CADPS2: variants seen among roughly 807,000 people sequenced by gnomAD.
The protein encoded by CADPS2 is calcium dependent secretion activator 2, also known as calcium-dependent secretion activator 2.
A neutral mutation model predicts 172.5 loss-of-function variants in CADPS2; 93 were observed. The ratio of observed to expected loss-of-function variants is 0.54; its 90% CI spans 0.46 to 0.64. CADPS2 has a LOEUF of 0.64. Among genes scored for constraint, CADPS2 ranks in the 30% least tolerant of loss-of-function variants. The pLI is 0.00. For missense variants in CADPS2, 1,420 were observed against 1,565.9 expected (o/e 0.91, Z 1.57); for synonymous variants, 546 against 555.2 (o/e 0.98, Z 0.23).
chr7:122,567,303 A>G (rs1272112013), intron 7 of CADPS2, among the ~76,000 whole-genome samples: 2 of 152,134 alleles, frequency 1.3e-5, no homozygotes, highest in Non-Finnish European at 2.9e-5. Flanking sequence ...GCACCTTGAA[A>G]GATAACCTCT....
At chr7:122,350,838 T>A (rs1042980121) in intron 27 of CADPS2, among the ~76,000 whole-genome samples, 24 of 151,384 alleles carry the variant, frequency 1.6e-4, no homozygotes, top group Admixed American at 1.6e-3. Context: ...AGTAAAAAAT[T>A]AGCCAGGCAT....
intron 1 of CADPS2, among the ~76,000 whole-genome samples, chr7:122,748,384 G>A (rs182517555): frequency 1.2e-3 from 183 of 152,172 alleles, no homozygotes; most frequent in African/African-American, 4.0e-3. Flanking sequence ...GTACCATCTG[G>A]CATTTCATGG....
chr7:122,334,354 G>T (rs1221247490), intron 28 of CADPS2, among the ~76,000 whole-genome samples: 1 of 152,204 alleles, frequency 6.6e-6, no homozygotes, highest in East Asian at 1.9e-4. Context: ...GCCATGGGGT[G>T]TATTAGGAGG....
intron 8 of CADPS2, among the ~76,000 whole-genome samples, chr7:122,527,459 AATCTCTGAGGAGACCAAGTAAT>A (rs559244600): frequency 1.3e-5 from 2 of 151,856 alleles, no homozygotes; most frequent in South Asian, 4.2e-4. Flanking sequence ...TGACAGTTGG[AATCTCTGAGGAGACCAAGTAAT>A]TCAGTATCTC....
chr7:122,416,692 A>G (rs2047959857), intron 17 of CADPS2, among the ~76,000 whole-genome samples: 1 of 152,092 alleles, frequency 6.6e-6, no homozygotes, highest in South Asian at 2.1e-4. Flanking sequence ...TTTCCTCCCT[A>G]TTTCCCAGCC....
At chr7:122,333,432 C>A (rs1000422414) in intron 28 of CADPS2, among the ~76,000 whole-genome samples, 1 of 152,172 alleles carries the variant, frequency 6.6e-6, no homozygotes, top group Non-Finnish European at 1.5e-5. Context: ...ACCTTTCTGT[C>A]TCTGAGTCAC....
chr7:122,386,894 A>G (rs2043756926), intron 24 of CADPS2, 132 bp downstream of exon 24: 1 of 846,118 alleles, frequency 1.2e-6, no homozygotes. Context: ...CTGTTATTAT[A>G]GTAAAGATCA....
chr7:122,763,367 C>T (rs11769021), intron 1 of CADPS2, among the ~76,000 whole-genome samples: 25,429 of 152,040 alleles, frequency 0.17, 2,741 homozygotes, highest in East Asian at 0.4. Flanking sequence ...TCCTACTCCA[C>T]GACAATAAGA....
intron 1 of CADPS2, among the ~76,000 whole-genome samples, chr7:122,835,382 C>G (rs2140750467): frequency 1.3e-5 from 2 of 152,318 alleles, no homozygotes; most frequent in Middle Eastern, 3.4e-3. Flanking sequence ...AGCACCTCTC[C>G]CCCTCCAAAG....
chr7:122,568,991 C>G (rs914551718), intron 7 of CADPS2, among the ~76,000 whole-genome samples: 2 of 152,148 alleles, frequency 1.3e-5, no homozygotes, highest in Non-Finnish European at 2.9e-5. Context: ...TGCCCTCTCT[C>G]ACCACTCCTA....
chr7:122,473,785 C>T (rs2152191911), intron 13 of CADPS2, among the ~76,000 whole-genome samples: 1 of 152,296 alleles, frequency 6.6e-6, no homozygotes, highest in Non-Finnish European at 1.5e-5. Flanking sequence ...CAAATGTTGG[C>T]TACAATTTCA....
intron 1 of CADPS2, among the ~76,000 whole-genome samples, chr7:122,755,454 A>G (rs1218985435): frequency 2.6e-5 from 4 of 152,160 alleles, no homozygotes; most frequent in Non-Finnish European, 5.9e-5. Flanking sequence ...TCAACACTGT[A>G]TTGTATTTGG....
At chr7:122,782,411 A>G (rs956041185) in intron 1 of CADPS2, among the ~76,000 whole-genome samples, 2 of 152,196 alleles carry the variant, frequency 1.3e-5, no homozygotes, top group Non-Finnish European at 2.9e-5. Context: ...ATTGGCTTTT[A>G]AGCCTGGGCA....
chr7:122,483,567 T>C (rs896774821), intron 11 of CADPS2, among the ~76,000 whole-genome samples: 3 of 152,062 alleles, frequency 2.0e-5, no homozygotes, highest in East Asian at 1.9e-4. Flanking sequence ...AATGGACATG[T>C]ACAAAATGGA....
chr7:122,592,750 C>T lies in CADPS2; in HGVS notation c.1224-11460G>A, dbSNP rs879588835. 2.6e-5 allele frequency among the ~76,000 whole-genome samples: 4 copies of T among 151,354 alleles called. No homozygotes were observed. In the East Asian group the frequency reaches 5.9e-4, roughly 22 times the overall value. On this transcript the variant is annotated intron_variant, in intron 6 of 29. Transcript: ENST00000449022. Reference sequence around the variant, plus strand: ...ACTATCACAAGGACAGAAAACCAAACACCGCATGTTCTCACTCATAGGTGG... The same window carrying T: ...ACTATCACAAGGACAGAAAACCAAATACCGCATGTTCTCACTCATAGGTGG...
chr7:122,722,894 A>T (rs2090617399), intron 2 of CADPS2, among the ~76,000 whole-genome samples: 2 of 152,048 alleles, frequency 1.3e-5, no homozygotes, highest in South Asian at 4.1e-4. Context: ...CAACAGTCTG[A>T]TCTTTGACAA....
At chr7:122,703,202 C>T (rs764429950) in intron 2 of CADPS2, among the ~76,000 whole-genome samples, 2 of 152,110 alleles carry the variant, frequency 1.3e-5, no homozygotes, top group Non-Finnish European at 2.9e-5. Context: ...GACTGAAAAT[C>T]TACCCAGCCA....
At chr7:122,595,385 G>A (rs974443952) in intron 6 of CADPS2, among the ~76,000 whole-genome samples, 1 of 151,968 alleles carries the variant, frequency 6.6e-6, no homozygotes, top group African/African-American at 2.4e-5. Flanking sequence ...ACTTTAAGTG[G>A]GGGTTATGTT....
chr7:122,388,862 A>C, intron 22 of CADPS2, 124 bp from the exon 23 acceptor site: 1 of 848,770 alleles, frequency 1.2e-6, no homozygotes, highest in Non-Finnish European at 1.7e-6. Context: ...AAAGTCTCTA[A>C]TGATCCAATA....
Sources: gnomAD v4.1 joint callset for allele counts (sites outside exome capture counted in the v4.1 genomes callset) on GRCh38, gnomAD v4.1.1 for gene constraint, MANE v1.5 for transcripts, NCBI Gene and HGNC (gene_info 2026-07-23, HGNC 2026-07-21) for gene names.